The following DNER variants were observed in gnomAD, a reference collection of about 807,000 sequenced individuals.
DNER encodes the protein delta/notch like EGF repeat containing, also known as delta and Notch-like epidermal growth factor-related receptor.
Under a neutral mutation model 78.2 loss-of-function variants are expected in DNER, and 33 were observed. That is an observed-to-expected ratio of 0.42 (90% CI 0.32 to 0.56). DNER has a LOEUF of 0.56. Among genes scored for constraint, DNER ranks in the 20% least tolerant of loss-of-function variants. The probability of loss-of-function intolerance (pLI) is 0.11; values close to 1 mark genes in which losing one functional copy is unlikely to be tolerated. For synonymous variants in DNER, 417 were observed against 384.8 expected, an observed-to-expected ratio of 1.08 and a Z score of -0.98; for missense variants, 918 against 975.3, an observed-to-expected ratio of 0.94 and a Z score of 0.78.
At chr2:229,586,648 C>T in intron 3 of DNER, 6 of 985,172 alleles carry the variant, frequency 6.1e-6, no homozygotes, top group Non-Finnish European at 6.0e-6. Flanking sequence ...CCTCACAGCC[C>T]AATGCTTCAG....
intron 1 of DNER, among the ~76,000 whole-genome samples, chr2:229,693,898 G>A (rs777764679): frequency 3.9e-5 from 6 of 152,294 alleles, no homozygotes; most frequent in African/African-American, 1.4e-4. Context: ...TGTTAATCAT[G>A]AAAACAATGG....
chr2:229,438,617 C>G (rs1276093208), intron 8 of DNER, among the ~76,000 whole-genome samples: 1 of 152,156 alleles, frequency 6.6e-6, no homozygotes, highest in Non-Finnish European at 1.5e-5. Flanking sequence ...CTAGTCAAAG[C>G]CAGATGGGAT....
At chr2:229,366,228 T>C (rs953082370) in intron 12 of DNER, among the ~76,000 whole-genome samples, 5 of 152,218 alleles carry the variant, frequency 3.3e-5, no homozygotes, top group Admixed American at 2.0e-4. Context: ...ATGACTGTCA[T>C]GACTCTCCAA....
At chr2:229,703,902 A>G (rs1259973024) in intron 1 of DNER, among the ~76,000 whole-genome samples, 2 of 125,386 alleles carry the variant, frequency 1.6e-5, no homozygotes, top group Non-Finnish European at 3.3e-5. Context: ...ATGAAGAAAG[A>G]AAAGAGAAAG....
chr2:229,547,357 C>G (rs143811111), intron 4 of DNER, among the ~76,000 whole-genome samples: 1 of 152,210 alleles, frequency 6.6e-6, no homozygotes, highest in East Asian at 1.9e-4. Context: ...GGCACTTGAG[C>G]AACCACCTCA....
At chr2:229,464,461 T>C (rs568032957) in intron 7 of DNER, among the ~76,000 whole-genome samples, 48 of 152,204 alleles carry the variant, frequency 3.2e-4, no homozygotes, top group African/African-American at 1.1e-3. Flanking sequence ...TCTCCCTTAA[T>C]TTGGAATACA....
intron 8 of DNER, among the ~76,000 whole-genome samples, chr2:229,434,335 T>G (rs1021564481): frequency 4.6e-5 from 7 of 152,240 alleles, no homozygotes; most frequent in Non-Finnish European, 1.0e-4. Context: ...AAATTTCTCA[T>G]GATCCTTTAA....
chr2:229,515,647 ATT>A (rs752562029), intron 5 of DNER, among the ~76,000 whole-genome samples: 39 of 102,782 alleles, frequency 3.8e-4, no homozygotes, highest in African/African-American at 1.5e-3. Flanking sequence ...TTATTTTTTT[ATT>A]TTTTTTTTTT....
chr2:229,501,160 TAA>T (rs1214851600), intron 6 of DNER, among the ~76,000 whole-genome samples: 1 of 151,874 alleles, frequency 6.6e-6, no homozygotes, highest in African/African-American at 2.4e-5. Flanking sequence ...TGGAGAGATT[TAA>T]AAGAGTACCT....
chr2:229,459,800 A>C (rs947220560), intron 7 of DNER, among the ~76,000 whole-genome samples: 1 of 151,896 alleles, frequency 6.6e-6, no homozygotes, highest in Admixed American at 6.6e-5. Flanking sequence ...AATCCCGGCT[A>C]CTCAGGAGGC....
Position 229,358,241 on chromosome 2 carries a change from T to A in DNER, c.*299A>T, listed in dbSNP as rs1484551527. The A allele has an allele frequency of 5.2e-6, 1 of 191,312 alleles. No individual in the cohort carries two copies. Among genetic ancestry groups the A allele is most frequent in the African/African-American group, 2.4e-5 (1 of 42,488 alleles). 11.9% of individuals were successfully genotyped at this position (191,312 alleles called of 1,614,324 possible). A position where few individuals can be genotyped will look rare whatever the true frequency, so the allele number is the denominator to read the frequency against. On this transcript the variant is annotated 3_prime_UTR_variant, in exon 13 of 13. Transcript: ENST00000341772. ...CTTCTCCTTGATTAGACTTATTCTG[T>A]AACAACCACAGAAATTAATCTGGGT...
Position 229,709,940 on chromosome 2 carries a change from C to G in DNER, c.276+4208G>C, listed in dbSNP as rs1421085426. The stretch of plus-strand genomic sequence containing the variant: ...ACCACAAAAGAAAAATTGGCCCAGC[C>G]ACTGCCACCTCTGATACCTGCCTGC... On this transcript the variant is annotated intron_variant, in intron 1 of 12. Transcript: ENST00000341772. 3.3e-5 allele frequency among the ~76,000 whole-genome samples: 5 copies of G among 152,186 alleles called. No homozygotes were observed. The East Asian group carries it at 9.6e-4, about 29-fold the overall frequency.
chr2:229,476,728 T>A (rs1254325068), intron 7 of DNER, among the ~76,000 whole-genome samples: 1 of 152,076 alleles, frequency 6.6e-6, no homozygotes, highest in Non-Finnish European at 1.5e-5. Flanking sequence ...CCTAAAGATG[T>A]GGTTTTTCAG....
rs1491423680 is a variant in DNER, at chr2:229,477,262, AAC to A, written c.1148-11_1148-10del. On this transcript the variant is annotated splice_polypyrimidine_tract_variant and intron_variant, in intron 6 of 12. Coordinates refer to ENST00000341772, the MANE Select transcript of DNER (RefSeq NM_139072.4). ...AAGCTCTCCAGTATAACCTGAATAA[AAC>A]AAAATGTACATTTTATAAAATAAGC... The A allele has an allele frequency of 6.9e-6, 11 of 1,595,670 alleles. No individual in the cohort carries two copies. The highest frequency in any genetic ancestry group is 3.4e-5 in the South Asian group (3 of 89,350).
chr2:229,382,265 C>G (rs1232047068), intron 11 of DNER, among the ~76,000 whole-genome samples: 1 of 152,136 alleles, frequency 6.6e-6, no homozygotes, highest in East Asian at 1.9e-4. Flanking sequence ...CCAAAGGTCA[C>G]CAACATCAAA....
chr2:229,512,308 A>G (rs149805174), intron 6 of DNER, among the ~76,000 whole-genome samples: 1,647 of 149,160 alleles, frequency 0.011, 26 homozygotes, highest in African/African-American at 0.039. Context: ...ACTGGAGCCC[A>G]GGAGGCAGAG....
intron 10 of DNER, among the ~76,000 whole-genome samples, chr2:229,400,691 G>A (rs1050679878): frequency 6.6e-6 from 1 of 152,020 alleles, no homozygotes; most frequent in Non-Finnish European, 1.5e-5. Flanking sequence ...ATAAATAAAT[G>A]ATTAAATAAA....
intron 4 of DNER, among the ~76,000 whole-genome samples, chr2:229,570,624 CA>C (rs11432946): frequency 2.8e-5 from 4 of 140,542 alleles, no homozygotes; most frequent in South Asian, 2.3e-4. Flanking sequence ...AACTCCATCT[CA>C]AAAAAAAAAA....
At chr2:229,380,708 T>C (rs1692716013) in intron 11 of DNER, among the ~76,000 whole-genome samples, 1 of 151,958 alleles carries the variant, frequency 6.6e-6, no homozygotes, top group Non-Finnish European at 1.5e-5. Context: ...AGGTGGATCA[T>C]GAGGTCAAGA....
Sources: gnomAD v4.1 joint callset for allele counts (sites outside exome capture counted in the v4.1 genomes callset) on GRCh38, gnomAD v4.1.1 for gene constraint, MANE v1.5 for transcripts, NCBI Gene and HGNC (gene_info 2026-07-23, HGNC 2026-07-21) for gene names.